The following CDH4 variants were observed in gnomAD, a reference collection of about 807,000 sequenced individuals.
CDH4 encodes the protein cadherin-4.
CDH4 carries 33 observed loss-of-function variants against 86.0 expected under a neutral mutation model. The observed-to-expected ratio is 0.38, with a 90% CI of 0.29 to 0.51. The LOEUF is 0.51. Among genes scored for constraint, CDH4 ranks in the 20% least tolerant of loss-of-function variants. CDH4 has a pLI of 0.86. For synonymous variants in CDH4, 555 were observed against 549.4 expected (o/e 1.01, Z -0.14); for missense variants, 1,114 against 1,307.4 (o/e 0.85, Z 2.28).
At chr20:61,698,638 G>C (rs747146279) in intron 2 of CDH4, among the ~76,000 whole-genome samples, 1 of 152,254 alleles carries the variant, frequency 6.6e-6, no homozygotes, top group Non-Finnish European at 1.5e-5. Flanking sequence ...GCTAGAGCCT[G>C]TCTCCAGCCT....
intron 2 of CDH4, among the ~76,000 whole-genome samples, chr20:61,366,074 G>T (rs1049521838): frequency 5.9e-5 from 9 of 152,228 alleles, no homozygotes; most frequent in Admixed American, 5.2e-4. Flanking sequence ...CTTCCCCAGT[G>T]GTGGCCGGCC....
chr20:61,758,999 A>G lies in CDH4; in HGVS notation c.397-14004A>G, dbSNP rs113981355. Reference sequence around the variant, plus strand: ...GGTGTGCACATGGGTGTGCACGTGTATGCCCACTTGTGAGTATATGTGTGT... The same window carrying G: ...GGTGTGCACATGGGTGTGCACGTGTGTGCCCACTTGTGAGTATATGTGTGT... On this transcript the variant is annotated intron_variant, in intron 3 of 15. Transcript: ENST00000614565. 2.4e-3 allele frequency among the ~76,000 whole-genome samples: 373 copies of G among 152,290 alleles called. 4 individuals carry two copies. Among genetic ancestry groups the G allele is most frequent in the African/African-American group, 8.6e-3 (357 of 41,572 alleles).
At chr20:61,489,682 G>A (rs1421234809) in intron 2 of CDH4, among the ~76,000 whole-genome samples, 3 of 152,220 alleles carry the variant, frequency 2.0e-5, no homozygotes, top group East Asian at 1.9e-4. Flanking sequence ...CGCTTTGCAC[G>A]CATTAAGCAA....
chr20:61,851,590 AG>A (rs1412359165), intron 5 of CDH4, among the ~76,000 whole-genome samples: 1 of 152,136 alleles, frequency 6.6e-6, no homozygotes, highest in African/African-American at 2.4e-5. Context: ...TCCAACTTCG[AG>A]GGTGATGTGG....
chr20:61,698,764 A>C (rs2087742294), intron 2 of CDH4, among the ~76,000 whole-genome samples: 2 of 152,166 alleles, frequency 1.3e-5, no homozygotes, highest in Admixed American at 6.5e-5. Flanking sequence ...AACCAAGGAG[A>C]TCTCCAGACA....
intron 2 of CDH4, among the ~76,000 whole-genome samples, chr20:61,284,178 A>G (rs906094712): frequency 2.0e-5 from 3 of 150,044 alleles, no homozygotes; most frequent in African/African-American, 7.3e-5. Flanking sequence ...GGCCTGGCAT[A>G]GTGGTGGGTG....
intron 10 of CDH4, among the ~76,000 whole-genome samples, chr20:61,923,979 T>C (rs1040400233): frequency 2.0e-5 from 3 of 152,202 alleles, no homozygotes; most frequent in African/African-American, 4.8e-5. Flanking sequence ...CACACTCTCA[T>C]AGCTATAAGA....
At chr20:61,560,820 T>A (rs1170137338) in intron 2 of CDH4, among the ~76,000 whole-genome samples, 1 of 152,204 alleles carries the variant, frequency 6.6e-6, no homozygotes, top group African/African-American at 2.4e-5. Context: ...GGGATAGTCC[T>A]GGCCTTCGCA....
chr20:61,862,524 C>T (rs1270245522), intron 6 of CDH4, among the ~76,000 whole-genome samples: 2 of 152,192 alleles, frequency 1.3e-5, no homozygotes, highest in African/African-American at 2.4e-5. Flanking sequence ...CCAGGCGTCT[C>T]GTCCAGGGCA....
At chr20:61,618,779 T>C (rs2086746121) in intron 2 of CDH4, among the ~76,000 whole-genome samples, 1 of 152,226 alleles carries the variant, frequency 6.6e-6, no homozygotes, top group South Asian at 2.1e-4. Context: ...TGTTGCTCTT[T>C]ATTGCCTGAG....
intron 2 of CDH4, among the ~76,000 whole-genome samples, chr20:61,308,072 T>C (rs928462332): frequency 1.3e-5 from 2 of 152,166 alleles, no homozygotes; most frequent in African/African-American, 2.4e-5. Flanking sequence ...CCAGAATCAC[T>C]GTAGAAGTAC....
At chr20:61,671,591 G>C (rs762954433) in intron 2 of CDH4, among the ~76,000 whole-genome samples, 5 of 151,828 alleles carry the variant, frequency 3.3e-5, no homozygotes, top group Non-Finnish European at 7.4e-5. Flanking sequence ...GATGATGAAC[G>C]GGTGGATGGA....
At chr20:61,930,693 C>T (rs1195421096) in intron 13 of CDH4, among the ~76,000 whole-genome samples, 1 of 152,204 alleles carries the variant, frequency 6.6e-6, no homozygotes, top group Admixed American at 6.5e-5. Context: ...CTTTTTTCCC[C>T]ATTTCCAGAC....
chr20:61,891,772 T>C (rs1330228194), intron 7 of CDH4, among the ~76,000 whole-genome samples: 4 of 152,118 alleles, frequency 2.6e-5, no homozygotes, highest in African/African-American at 9.7e-5. Flanking sequence ...TGTTCCCACC[T>C]CCCGGGTCCA....
rs1020582650 is a variant in CDH4 at position 61,310,590 on chromosome 20, C to A, written c.169+55653C>A. 2.0e-5 allele frequency among the ~76,000 whole-genome samples: 3 copies of A among 152,324 alleles called. No homozygotes were observed. In the East Asian group the frequency reaches 5.8e-4, roughly 29 times the overall value. On this transcript the variant is annotated intron_variant, in intron 2 of 15. Coordinates refer to ENST00000614565, the MANE Select transcript of CDH4 (RefSeq NM_001794.5). ...GGCCATGCTGGCTCTCCAGCTGCCC[C>A]CTTCCTGCTGTCCAGCCTGGTTCCT... is the stretch of plus-strand genomic sequence containing the variant.
chr20:61,715,355 A>T (rs1213958903), intron 2 of CDH4, among the ~76,000 whole-genome samples: 3 of 152,158 alleles, frequency 2.0e-5, no homozygotes, highest in Admixed American at 2.0e-4. Context: ...AAGGTAATTT[A>T]TGGAGAAAAG....
At chr20:61,839,524 GTGTGTT>G (rs914626561) in intron 4 of CDH4, among the ~76,000 whole-genome samples, 1 of 114,966 alleles carries the variant, frequency 8.7e-6, no homozygotes, top group Non-Finnish European at 2.3e-5. Flanking sequence ...TTGTGTGTAT[GTGTGTT>G]TGTGTATGTG....
intron 7 of CDH4, among the ~76,000 whole-genome samples, chr20:61,877,885 T>C (rs994161653): frequency 6.6e-6 from 1 of 152,054 alleles, no homozygotes; most frequent in African/African-American, 2.4e-5. Flanking sequence ...CTGGGGTCCA[T>C]TGTGTGACAA....
chr20:61,512,318 G>T (rs1181791376), intron 2 of CDH4, among the ~76,000 whole-genome samples: 2 of 152,154 alleles, frequency 1.3e-5, no homozygotes, highest in Non-Finnish European at 2.9e-5. Flanking sequence ...AAAAGACCTC[G>T]AGAGTTCTTA....
Sources: gnomAD v4.1 joint callset for allele counts (sites outside exome capture counted in the v4.1 genomes callset) on GRCh38, gnomAD v4.1.1 for gene constraint, MANE v1.5 for transcripts, NCBI Gene and HGNC (gene_info 2026-07-23, HGNC 2026-07-21) for gene names.